The following CDH12 variants were observed in gnomAD, a reference collection of about 807,000 sequenced individuals.
CDH12 encodes the protein cadherin-12.
CDH12 carries 41 observed loss-of-function variants against 74.1 expected under a neutral mutation model. That is an observed-to-expected ratio of 0.55 (90% CI 0.43 to 0.72). The LOEUF (loss-of-function observed/expected upper bound fraction) is 0.72. CDH12 is among the 30% of genes least tolerant of loss of function. CDH12 has a pLI of 0.00. For synonymous variants in CDH12, 399 were observed against 355.0 expected, an observed-to-expected ratio of 1.12 and a Z score of -1.39; for missense variants, 945 against 977.2, an observed-to-expected ratio of 0.97 and a Z score of 0.44.
intron 5 of CDH12, among the ~76,000 whole-genome samples, chr5:22,024,669 T>A (rs1023681534): frequency 6.6e-6 from 1 of 152,094 alleles, no homozygotes; most frequent in South Asian, 2.1e-4. Context: ...CATGCTACCA[T>A]GCCTGGCTAA....
intron 5 of CDH12, among the ~76,000 whole-genome samples, chr5:22,023,665 C>T (rs1223341874): frequency 1.3e-5 from 2 of 151,846 alleles, no homozygotes; most frequent in Non-Finnish European, 2.9e-5. Context: ...AGACTGGTAT[C>T]AAAGTAGAGG....
intron 3 of CDH12, among the ~76,000 whole-genome samples, chr5:22,296,232 A>C (rs1737618455): frequency 6.6e-6 from 1 of 152,060 alleles, no homozygotes; most frequent in Non-Finnish European, 1.5e-5. Flanking sequence ...GGAAAATGTC[A>C]AACTAATAAC....
intron 1 of CDH12, among the ~76,000 whole-genome samples, chr5:22,592,298 C>T (rs1365528230): frequency 1.3e-5 from 2 of 152,156 alleles, no homozygotes; most frequent in Admixed American, 1.3e-4. Context: ...TGTTGCCCAG[C>T]CTTCTCCTTC....
chr5:22,763,338 A>T (rs1457661940), intron 1 of CDH12, among the ~76,000 whole-genome samples: 1 of 151,980 alleles, frequency 6.6e-6, no homozygotes, highest in African/African-American at 2.4e-5. Context: ...AGAAACTATC[A>T]TTATCACAAT....
intron 7 of CDH12, among the ~76,000 whole-genome samples, chr5:21,852,350 A>G (rs914611505): frequency 4.6e-5 from 7 of 151,522 alleles, no homozygotes; most frequent in African/African-American, 1.4e-4. Context: ...TAAACATTAT[A>G]TAAAATATAA....
intron 2 of CDH12, among the ~76,000 whole-genome samples, chr5:22,435,688 G>A (rs1018823657): frequency 1.4e-4 from 22 of 151,738 alleles, no homozygotes; most frequent in African/African-American, 4.8e-4. Flanking sequence ...TCGAAATTAC[G>A]GTTTAGGAGT....
At chr5:22,269,356 T>A (rs1306138150) in intron 3 of CDH12, among the ~76,000 whole-genome samples, 3 of 152,134 alleles carry the variant, frequency 2.0e-5, no homozygotes, top group Non-Finnish European at 4.4e-5. Flanking sequence ...CTTCTTCTTA[T>A]CCTCTATTCA....
chr5:22,655,188 C>A (rs190957302), intron 1 of CDH12, among the ~76,000 whole-genome samples: 1 of 152,220 alleles, frequency 6.6e-6, no homozygotes, highest in African/African-American at 2.4e-5. Flanking sequence ...TAGCTCTTTC[C>A]ATTTTAACTG....
chr5:22,314,331 C>A (rs1043597310), intron 3 of CDH12, among the ~76,000 whole-genome samples: 3 of 152,120 alleles, frequency 2.0e-5, no homozygotes, highest in Non-Finnish European at 4.4e-5. Context: ...GAGATAAGCT[C>A]TTTGAAGAGG....
intron 6 of CDH12, among the ~76,000 whole-genome samples, chr5:21,912,289 G>A (rs1399798114): frequency 1.3e-5 from 2 of 151,774 alleles, no homozygotes; most frequent in East Asian, 3.9e-4. Flanking sequence ...AATGGAAATG[G>A]ACTGGAAAAT....
intron 3 of CDH12, among the ~76,000 whole-genome samples, chr5:22,264,936 G>A (rs1047169863): frequency 6.6e-6 from 1 of 152,130 alleles, no homozygotes; most frequent in Non-Finnish European, 1.5e-5. Context: ...ATTCTTTGAC[G>A]TATAGACATT....
chr5:21,932,778 A>T (rs1236177949), intron 6 of CDH12, among the ~76,000 whole-genome samples: 2 of 151,352 alleles, frequency 1.3e-5, no homozygotes, highest in Admixed American at 1.3e-4. Flanking sequence ...ACATGCATGT[A>T]GTCCCATCCT....
chr5:22,427,837 A>G (rs1038747306), intron 2 of CDH12, among the ~76,000 whole-genome samples: 4 of 152,142 alleles, frequency 2.6e-5, no homozygotes, highest in Admixed American at 6.5e-5. Context: ...TATAGGACAC[A>G]TCTGCTTTCT....
At chr5:22,120,571 A>G (rs529673182) in intron 4 of CDH12, among the ~76,000 whole-genome samples, 1 of 152,300 alleles carries the variant, frequency 6.6e-6, no homozygotes, top group African/African-American at 2.4e-5. Flanking sequence ...TGAATAATAT[A>G]TTTAACTTGT....
intron 8 of CDH12, among the ~76,000 whole-genome samples, chr5:21,822,028 T>G (rs1748395865): frequency 6.6e-6 from 1 of 151,950 alleles, no homozygotes; most frequent in Non-Finnish European, 1.5e-5. Flanking sequence ...ATAGAAATTG[T>G]GTACCTGTAG....
intron 6 of CDH12, among the ~76,000 whole-genome samples, chr5:21,972,213 C>T (rs2963533): frequency 0.28 from 42,850 of 151,960 alleles, 9,492 homozygotes; most frequent in African/African-American, 0.62. Context: ...TGTTACAAAA[C>T]AGGTTATTTC....
chr5:21,912,721 C>T (rs1047730201), intron 6 of CDH12, among the ~76,000 whole-genome samples: 1 of 152,172 alleles, frequency 6.6e-6, no homozygotes, highest in Non-Finnish European at 1.5e-5. Flanking sequence ...GCATGGGGCA[C>T]AGGCAAGCAA....
intron 1 of CDH12, among the ~76,000 whole-genome samples, chr5:22,544,752 G>C (rs991343326): frequency 6.6e-6 from 1 of 151,894 alleles, no homozygotes; most frequent in South Asian, 2.1e-4. Context: ...AGGAAGGACA[G>C]ATTGCAGTGA....
intron 1 of CDH12, among the ~76,000 whole-genome samples, chr5:22,722,010 A>G (rs1743923190): frequency 6.6e-6 from 1 of 152,110 alleles, no homozygotes; most frequent in South Asian, 2.1e-4. Context: ...GTGAAAATGG[A>G]CTAGTACAGA....
Sources: gnomAD v4.1 joint callset for allele counts (sites outside exome capture counted in the v4.1 genomes callset) on GRCh38, gnomAD v4.1.1 for gene constraint, MANE v1.5 for transcripts, NCBI Gene and HGNC (gene_info 2026-07-23, HGNC 2026-07-21) for gene names.